Variants in TOP2A observed in about 807,000 individuals in gnomAD.
TOP2A encodes the protein DNA topoisomerase 2-alpha.
Under a neutral mutation model 187.2 loss-of-function variants are expected in TOP2A, and 68 were observed. The ratio of observed to expected loss-of-function variants is 0.36; its 90% CI spans 0.30 to 0.44. The LOEUF is 0.44. Among genes scored for constraint, TOP2A ranks in the 20% least tolerant of loss-of-function variants. The pLI is 1.00. For missense variants in TOP2A, 1,196 were observed against 1,808.7 expected (o/e 0.66, Z 6.14); for synonymous variants, 542 against 593.2 (o/e 0.91, Z 1.25).
At chr17:40,395,249 C>T (rs2035078259) in intron 29 of TOP2A, among the ~76,000 whole-genome samples, 200 bp downstream of exon 29, 1 of 145,364 alleles carries the variant, frequency 6.9e-6, no homozygotes, top group Non-Finnish European at 1.5e-5. Context: ...TGCTATTGCA[C>T]TCCAGCCTGG....
chr17:40,413,214 T>C lies in TOP2A; in HGVS notation c.557A>G (p.Tyr186Cys). 1 of 1,560,620 alleles carries C rather than the reference T, an allele frequency of 6.4e-7. No homozygotes were observed. The highest frequency in any genetic ancestry group is 8.7e-7 in the Non-Finnish European group (1 of 1,150,740). The part of the protein sequence containing the change: ...KFTVETASRE[Y>C]KKMFKQTWMD... Reference sequence around the variant, plus strand: ...ACTTGCCTGTTTGAACATTTTCTTGTATTCTCTACTGGCTGTTTCCACAGT... The same window carrying C: ...ACTTGCCTGTTTGAACATTTTCTTGCATTCTCTACTGGCTGTTTCCACAGT... Residue 186 changes from tyrosine to cysteine, a missense_variant, in exon 6 of 35, where the codon TAC (tyrosine) becomes TGC (cysteine). Around this residue, in one of 10 missense-constraint regions of TOP2A, gnomAD observed 252 missense variants for 434.8 expected, o/e 0.58. Coordinates refer to ENST00000423485, the MANE Select transcript of TOP2A (RefSeq NM_001067.4).
Position 40,404,393 on chromosome 17 carries a change from G to C in TOP2A, c.2145C>G (p.Ile715Met). 6.2e-7 allele frequency: 1 copy of C among 1,608,646 alleles called. No individual in the cohort carries two copies. The highest frequency in any genetic ancestry group is 8.5e-7 in the Non-Finnish European group (1 of 1,175,802). Residue 715 changes from isoleucine to methionine, a missense_variant, in exon 18 of 35, where the codon ATC becomes ATG. Ile to Met is a conservative substitution (Grantham distance 10). Around this residue, in one of 10 missense-constraint regions of TOP2A, gnomAD observed 209 missense variants for 376.9 expected, o/e 0.55. Coordinates refer to ENST00000423485, the MANE Select transcript of TOP2A (RefSeq NM_001067.4). ...GGAACTCACCATCCACCATAGAAGG[G>C]ATAGATCTCTCGTTATCAGAATTTG... ...LFSNSDNERS[I>M]PSMVDGLKPG...
rs1016655246 is a variant in TOP2A at position 40,400,989 on chromosome 17, A to T, written c.2525T>A (p.Ile842Asn). 2 of 1,614,024 alleles carry T rather than the reference A, an allele frequency of 1.2e-6. No individual in the cohort carries two copies. The highest frequency in any genetic ancestry group is 1.7e-5 in the Admixed American group (1 of 60,020). The change falls in exon 21 of 35, where the codon ATT becomes AAT. Residue 842 changes from isoleucine to asparagine, a missense_variant. Physicochemically the swap from Ile to Asn is moderately radical, Grantham distance 149 (BLOSUM62 -3). Transcript: ENST00000423485. ...DNQRVEPEWYIPIIPMVLING... is the reference protein window; with the variant it reads ...DNQRVEPEWYNPIIPMVLING... ...TATCAGCACCATGGGAATAATAGGA[A>T]TGTACCATTCAGGCTCAACACGCTG...
intron 13 of TOP2A, 115 bp from the exon 14 acceptor site, chr17:40,407,057 C>T (rs1251719822): frequency 5.7e-6 from 4 of 703,426 alleles, no homozygotes; most frequent in East Asian, 3.0e-5. Flanking sequence ...TGAGGTCAGG[C>T]GTTCGAGACC....
intron 2 of TOP2A, 102 bp from the exon 3 acceptor site, chr17:40,416,614 G>T: frequency 7.0e-7 from 1 of 1,422,614 alleles, no homozygotes; most frequent in Non-Finnish European, 9.8e-7. Context: ...CCATATTTAG[G>T]CCAGTTCCAG....
intron 23 of TOP2A, 25 bp from the exon 24 acceptor site, chr17:40,400,092 G>T: frequency 6.3e-7 from 1 of 1,599,504 alleles, no homozygotes; most frequent in Non-Finnish European, 8.5e-7. Flanking sequence ...CAAGATTAGA[G>T]CCAAGAATAG....
At chr17:40,405,520 T>C (rs990795466) in intron 16 of TOP2A, among the ~76,000 whole-genome samples, 3 of 144,452 alleles carry the variant, frequency 2.1e-5, no homozygotes, top group African/African-American at 7.8e-5. Context: ...AGTGGCACCA[T>C]CTCAGCTCAC....
chr17:40,406,595 T>C lies in TOP2A; in HGVS notation c.1832A>G (p.Lys611Arg). The C allele has an allele frequency of 6.2e-7, 1 of 1,611,898 alleles. No individual in the cohort carries two copies. Among genetic ancestry groups the C allele is most frequent in the Non-Finnish European group, 8.5e-7 (1 of 1,178,906 alleles). Reference protein sequence around the residue: ...STPNHKKWKVKYYKGLGTSTS... With the variant: ...STPNHKKWKVRYYKGLGTSTS... ...GTTTCATTACAAACCTTTGTAATAT[T>C]TGACTTTCCATTTTTTATGATTTGG... The change falls in exon 15 of 35, where the codon AAA becomes AGA. Residue 611 changes from lysine to arginine, a missense_variant. Transcript: ENST00000423485.
In TOP2A at chr17:40,399,331, A is replaced by ATGAGGC. The variant is rs1555579718; in HGVS notation, c.3197-201_3197-200insGCCTCA. On this transcript the variant is annotated intron_variant, in intron 24 of 34. Transcript: ENST00000423485. ...TACCACAAGGGGGCAGTCAAATCAT[A>ATGAGGC]TATGATCAAATCATTTTTTTTTGGA... 6.0e-4 allele frequency: 330 copies of ATGAGGC among 553,952 alleles called. 1 individual carries two copies. The highest frequency in any genetic ancestry group is 1.1e-3 in the Admixed American group (34 of 32,078). The allele number at this position is 553,952 out of a possible 1,614,324, so 34.3% of individuals were successfully genotyped here.
chr17:40,406,602 T>C lies in TOP2A; in HGVS notation c.1825A>G (p.Lys609Glu). Residue 609 changes from lysine to glutamate, a missense_variant, in exon 15 of 35, where the codon AAA becomes GAA. By Grantham distance (56) the Lys-to-Glu change is moderately conservative. Transcript: ENST00000423485. ...KSSTPNHKKW[K>E]VKYYKGLGTS... ...TACAAACCTTTGTAATATTTGACTT[T>C]CCATTTTTTATGATTTGGAGTAGAA... 1 of 1,612,094 alleles carries C rather than the reference T, an allele frequency of 6.2e-7. No homozygotes were observed. Among genetic ancestry groups the C allele is most frequent in the Non-Finnish European group, 8.5e-7 (1 of 1,179,248 alleles).
Position 40,411,885 on chromosome 17 carries a change from G to A in TOP2A, c.790-67C>T. 7.5e-7 allele frequency: 1 copy of A among 1,336,196 alleles called. No homozygotes were observed. Among genetic ancestry groups the A allele is most frequent in the African/African-American group, 1.5e-5 (1 of 67,952 alleles). 82.8% of individuals were successfully genotyped at this position (1,336,196 alleles called of 1,614,324 possible). ...AAAAATAGGTTCAATGATAGACTATGAGGACTTTCCAAAACCAATGCAATG... is the reference window on the plus strand; with the variant it reads ...AAAAATAGGTTCAATGATAGACTATAAGGACTTTCCAAAACCAATGCAATG... On this transcript the variant is annotated intron_variant, in intron 7 of 34. Transcript: ENST00000423485. The surrounding 1 kb of genome is among the most constrained non-coding windows in gnomAD (Gnocchi z 4.4).
In TOP2A at chr17:40,404,480, A is replaced by G; in HGVS notation, c.2058T>C (p.Tyr686=). Residue 686 remains tyrosine (Y), a synonymous_variant, in exon 18 of 35, where the codon TAT becomes TAC. Coordinates refer to ENST00000423485, the MANE Select transcript of TOP2A (RefSeq NM_001067.4). ...KLLGLPEDYL[Y]GQTTTYLTYN... ...ATGTCAGATATGTGGTAGTTTGTCC[A>G]TACAAGTAATCCTGAAGGACCAAAT... The G allele has an allele frequency of 6.3e-7, 1 of 1,595,702 alleles. No individual in the cohort carries two copies. Among genetic ancestry groups the G allele is most frequent in the Non-Finnish European group, 8.6e-7 (1 of 1,164,868 alleles).
At chr17:40,395,649 A>G in intron 28 of TOP2A, 110 bp from the exon 29 acceptor site, 1 of 646,558 alleles carries the variant, frequency 1.5e-6, no homozygotes, top group Middle Eastern at 4.4e-4. Flanking sequence ...TAATCCCAGC[A>G]CTTTGGGAGG....
In TOP2A at chr17:40,392,585, T is replaced by C. The variant is rs1452780486; in HGVS notation, c.3964A>G (p.Thr1322Ala). ...TATAATGTTCTTTAGTTTTCCTTAC[T>C]TGCTGCTCTCCGTGGCTCTGTTTCT... ...PRETEPRRAA[T>A]KTKFTMDLDS... The change falls in exon 30 of 35, where the codon ACA becomes GCA. Residue 1322 changes from threonine (T) to alanine (A), a missense_variant and splice_region_variant. By Grantham distance (58) the Thr-to-Ala change is moderately conservative (BLOSUM62 0). This residue lies in a region of TOP2A where 374 missense variants were observed against 403.3 expected (regional missense o/e 0.93). Transcript: ENST00000423485. 3.7e-6 allele frequency: 6 copies of C among 1,607,432 alleles called. No individual in the cohort carries two copies. Among genetic ancestry groups the C allele is most frequent in the Non-Finnish European group, 5.1e-6 (6 of 1,178,152 alleles).
intron 21 of TOP2A, 88 bp downstream of exon 21, chr17:40,400,762 T>G (rs2035169158): frequency 3.6e-5 from 55 of 1,539,256 alleles, no homozygotes; most frequent in Non-Finnish European, 4.9e-5. Flanking sequence ...GAAATTAAAT[T>G]TTATGTTTGC....
chr17:40,401,118 A>G, intron 20 of TOP2A, 37 bp from the exon 21 acceptor site: 1 of 1,558,770 alleles, frequency 6.4e-7, no homozygotes, highest in Non-Finnish European at 8.8e-7. Flanking sequence ...TTTTACAAAA[A>G]TACTGAATTT....
At chr17:40,390,624 ATTTTT>A (rs202246173) in intron 33 of TOP2A, among the ~76,000 whole-genome samples, 1 of 129,806 alleles carries the variant, frequency 7.7e-6, no homozygotes, top group Admixed American at 7.9e-5. Context: ...TAAACATTCT[ATTTTT>A]TTTTTTTTTT....
Position 40,399,975 on chromosome 17 carries a change from T to C in TOP2A, c.3093A>G (p.Gly1031=). 2.5e-6 allele frequency: 4 copies of C among 1,613,472 alleles called. No homozygotes were observed. The highest frequency in any genetic ancestry group is 1.7e-6 in the Non-Finnish European group (2 of 1,179,698). ...DFFELRLKYY[G]LRKEWLLGML... ...TTCCTAGGAGCCATTCTTTTCTTAA[T>C]CCATAATATTTAAGTCTGAGTTCAA... The change falls in exon 24 of 35, where the codon GGA becomes GGG. Residue 1031 remains glycine (G), a synonymous_variant. Coordinates refer to ENST00000423485, the MANE Select transcript of TOP2A (RefSeq NM_001067.4).
chr17:40,391,555 T>C lies in TOP2A; in HGVS notation c.4218A>G (p.Thr1406=). The C allele has an allele frequency of 4.3e-6, 7 of 1,613,442 alleles. No homozygotes were observed. The highest frequency in any genetic ancestry group is 5.9e-6 in the Non-Finnish European group (7 of 1,179,678). Reference sequence around the variant, plus strand: ...TCACATTCTTTTTAGGAACTGGGTTTGTAATTTCAGTTTCATCTGGGAAAT... The same window carrying C: ...TCACATTCTTTTTAGGAACTGGGTTCGTAATTTCAGTTTCATCTGGGAAAT... ...ATHFPDETEI[T]NPVPKKNVTV... is the part of the protein sequence containing the mutation. Residue 1406 remains threonine (T), a synonymous_variant, in exon 33 of 35, where the codon ACA becomes ACG. Transcript: ENST00000423485.
Sources: gnomAD v4.1 joint callset for allele counts (sites outside exome capture counted in the v4.1 genomes callset) on GRCh38, gnomAD v4.1.1 for gene constraint, gnomAD v4.1.1 regional missense constraint, Gnocchi (gnomAD v3.1) non-coding constraint, MANE v1.5 for transcripts, NCBI Gene and HGNC (gene_info 2026-07-23, HGNC 2026-07-21) for gene names.